CDK14: variants seen among roughly 807,000 people sequenced by gnomAD.
CDK14 encodes cyclin dependent kinase 14, also known as cyclin-dependent kinase 14.
Under a neutral mutation model 60.7 loss-of-function variants are expected in CDK14, and 34 were observed. The observed-to-expected ratio is 0.56, with a 90% CI of 0.43 to 0.75. The LOEUF (loss-of-function observed/expected upper bound fraction) is 0.75, where lower values mean the gene tolerates loss of function less well. CDK14 is among the 30% of genes least tolerant of loss of function. The pLI is 0.00. For missense variants in CDK14, 482 were observed against 564.1 expected, an observed-to-expected ratio of 0.85 and a Z score of 1.47; for synonymous variants, 197 against 203.7, an observed-to-expected ratio of 0.97 and a Z score of 0.28.
intron 5 of CDK14, among the ~76,000 whole-genome samples, chr7:90,836,720 C>G (rs1184465798): frequency 6.6e-6 from 1 of 152,100 alleles, no homozygotes; most frequent in African/African-American, 2.4e-5. Context: ...GTCTATGCAA[C>G]CCTTTTATAC....
intron 6 of CDK14, among the ~76,000 whole-genome samples, chr7:90,879,798 G>C (rs1791682357): frequency 1.3e-5 from 2 of 148,338 alleles, no homozygotes; most frequent in South Asian, 4.4e-4. Flanking sequence ...AAATTGACTA[G>C]AAGGCGGGCA....
At chr7:91,023,787 G>A (rs1340487327) in intron 10 of CDK14, among the ~76,000 whole-genome samples, 1 of 152,012 alleles carries the variant, frequency 6.6e-6, no homozygotes, top group Non-Finnish European at 1.5e-5. Flanking sequence ...TTATTTTTGA[G>A]ATGGAGTCTC....
At chr7:90,719,078 C>T (rs1802352147) in intron 2 of CDK14, among the ~76,000 whole-genome samples, 1 of 151,988 alleles carries the variant, frequency 6.6e-6, no homozygotes, top group Non-Finnish European at 1.5e-5. Flanking sequence ...AGGATAAAGC[C>T]ATCAGGCCCT....
intron 2 of CDK14, among the ~76,000 whole-genome samples, chr7:90,707,798 T>C (rs1186873433): frequency 6.6e-6 from 1 of 152,160 alleles, no homozygotes; most frequent in Non-Finnish European, 1.5e-5. Context: ...TGTGAAGTCT[T>C]TTTTTGAGCC....
intron 5 of CDK14, among the ~76,000 whole-genome samples, chr7:90,839,463 G>C (rs1396784670): frequency 1.3e-5 from 2 of 152,152 alleles, no homozygotes; most frequent in Non-Finnish European, 2.9e-5. Flanking sequence ...GACGAAGGTT[G>C]TATACAGGGA....
chr7:90,725,302 T>G (rs1020860084), intron 2 of CDK14, among the ~76,000 whole-genome samples: 10 of 152,180 alleles, frequency 6.6e-5, no homozygotes, highest in African/African-American at 2.4e-4. Context: ...TGGTGGTGTG[T>G]TTTCCTGTAT....
At chr7:91,171,132 A>C (rs200163306) in intron 14 of CDK14, among the ~76,000 whole-genome samples, 1 of 152,040 alleles carries the variant, frequency 6.6e-6, no homozygotes, top group Non-Finnish European at 1.5e-5. Context: ...GGCAGATCAC[A>C]AGGTCAGAAG....
intron 14 of CDK14, among the ~76,000 whole-genome samples, chr7:91,139,816 TTTC>T (rs1299943459): frequency 1.5e-5 from 2 of 136,756 alleles, no homozygotes; most frequent in Non-Finnish European, 3.3e-5. Flanking sequence ...CTTTCTTTCT[TTTC>T]TTTTCTTTCT....
chr7:90,834,100 A>G (rs1490044451), intron 5 of CDK14, among the ~76,000 whole-genome samples: 1 of 152,208 alleles, frequency 6.6e-6, no homozygotes, highest in Non-Finnish European at 1.5e-5. Flanking sequence ...CTTAGGCTCA[A>G]AATATCAGTG....
At chr7:90,825,483 A>G (rs567323617) in intron 5 of CDK14, among the ~76,000 whole-genome samples, 1 of 152,324 alleles carries the variant, frequency 6.6e-6, no homozygotes, top group Admixed American at 6.5e-5. Context: ...AAACTTAAAT[A>G]CTTTTAGAGG....
At chr7:91,093,120 A>T (rs746955710) in intron 12 of CDK14, among the ~76,000 whole-genome samples, 1 of 152,186 alleles carries the variant, frequency 6.6e-6, no homozygotes, top group Non-Finnish European at 1.5e-5. Flanking sequence ...TCAGAATTCT[A>T]GCAGATTTCA....
intron 4 of CDK14, among the ~76,000 whole-genome samples, chr7:90,751,993 A>G (rs1024459645): frequency 6.6e-6 from 1 of 152,224 alleles, no homozygotes; most frequent in Non-Finnish European, 1.5e-5. Context: ...TCCTAAATAT[A>G]TATGCATGCA....
intron 2 of CDK14, among the ~76,000 whole-genome samples, chr7:90,669,166 GA>G (rs1424470340): frequency 6.6e-6 from 1 of 152,210 alleles, no homozygotes; most frequent in East Asian, 1.9e-4. Flanking sequence ...TAATTTATTA[GA>G]ATCTGTTTGC....
chr7:91,115,396 C>A (rs929949532), intron 13 of CDK14, among the ~76,000 whole-genome samples: 14 of 152,126 alleles, frequency 9.2e-5, no homozygotes, highest in Admixed American at 5.9e-4. Flanking sequence ...CCTCTTCTCA[C>A]AAAGCCATTA....
intron 5 of CDK14, among the ~76,000 whole-genome samples, chr7:90,854,666 TC>T (rs1790762594): frequency 6.6e-6 from 1 of 152,032 alleles, no homozygotes; most frequent in Admixed American, 6.5e-5. Flanking sequence ...TTTTTTTTTT[TC>T]AATCACATAC....
At chr7:90,609,729 T>C (rs1799497029) in intron 2 of CDK14, among the ~76,000 whole-genome samples, 2 of 152,194 alleles carry the variant, frequency 1.3e-5, no homozygotes, top group African/African-American at 2.4e-5. Context: ...GGAATTTCTT[T>C]ATAGCAATGT....
At chr7:90,738,458 G>C (rs780055952) in intron 3 of CDK14, among the ~76,000 whole-genome samples, 9 of 152,186 alleles carry the variant, frequency 5.9e-5, no homozygotes, top group African/African-American at 2.2e-4. Context: ...ACATTGTTCA[G>C]CTGGAACATT....
At chr7:90,784,356 G>A (rs915655883) in intron 4 of CDK14, among the ~76,000 whole-genome samples, 7 of 152,122 alleles carry the variant, frequency 4.6e-5, no homozygotes, top group African/African-American at 1.4e-4. Context: ...TAGCACAATA[G>A]GATGACTATA....
intron 2 of CDK14, among the ~76,000 whole-genome samples, chr7:90,663,130 A>G (rs1010431626): frequency 1.3e-5 from 2 of 149,166 alleles, no homozygotes; most frequent in African/African-American, 4.9e-5. Context: ...ACACACACAC[A>G]CACGTAGAGT....
Sources: allele counts gnomAD v4.1 joint callset (sites outside exome capture counted in the v4.1 genomes callset), GRCh38; gene constraint gnomAD v4.1.1; transcripts MANE v1.5; gene names NCBI Gene and HGNC (gene_info 2026-07-23, HGNC 2026-07-21).